Variants in SLC24A2 observed in about 807,000 individuals in gnomAD.
SLC24A2 encodes solute carrier family 24 member 2, also known as sodium/potassium/calcium exchanger 2.
A neutral mutation model predicts 62.0 loss-of-function variants in SLC24A2; 36 were observed. The ratio of observed to expected loss-of-function variants is 0.58; its 90% CI spans 0.44 to 0.77. The LOEUF (loss-of-function observed/expected upper bound fraction) is 0.77. Ranked by LOEUF, SLC24A2 falls within the 30% of genes least tolerant of loss-of-function variation. SLC24A2 has a pLI of 0.00. For missense variants in SLC24A2, 846 were observed against 817.9 expected, an observed-to-expected ratio of 1.03 and a Z score of -0.42; for synonymous variants, 358 against 294.0, an observed-to-expected ratio of 1.22 and a Z score of -2.23.
At chr9:19,964,768 C>G in the SLC24A2 span, among the ~76,000 whole-genome samples, 150 of 152,334 alleles carry the variant, frequency 9.8e-4, no homozygotes, top group African/African-American at 3.5e-3. Context: ...TGGCGTGAAG[C>G]AGCAGCTGGC....
chr9:20,083,557 C>T, the SLC24A2 span, among the ~76,000 whole-genome samples: 1 of 152,240 alleles, frequency 6.6e-6, no homozygotes, highest in Non-Finnish European at 1.5e-5. Flanking sequence ...ACTAGAGATG[C>T]ATTAGCAGCG....
chr9:19,730,578 CAT>C (rs1821306385), intron 2 of SLC24A2, among the ~76,000 whole-genome samples: 1 of 152,028 alleles, frequency 6.6e-6, no homozygotes, highest in Non-Finnish European at 1.5e-5. Flanking sequence ...AACATGAAAA[CAT>C]ATCTAACTTA....
At chr9:19,951,036 G>A in the SLC24A2 span, among the ~76,000 whole-genome samples, 1 of 152,116 alleles carries the variant, frequency 6.6e-6, no homozygotes, top group Non-Finnish European at 1.5e-5. Context: ...AAGTTCTCTG[G>A]ATGATCTTAC....
At chr9:20,051,409 T>A in the SLC24A2 span, among the ~76,000 whole-genome samples, 1 of 152,054 alleles carries the variant, frequency 6.6e-6, no homozygotes, top group Non-Finnish European at 1.5e-5. Context: ...CTGGGACATT[T>A]TATATATCTC....
intron 2 of SLC24A2, among the ~76,000 whole-genome samples, chr9:19,779,444 G>A (rs1445196140): frequency 6.6e-6 from 1 of 152,072 alleles, no homozygotes; most frequent in East Asian, 1.9e-4. Context: ...GAGAGACAGT[G>A]GAATATTATT....
At chr9:19,885,007 C>A in the SLC24A2 span, among the ~76,000 whole-genome samples, 1 of 152,158 alleles carries the variant, frequency 6.6e-6, no homozygotes, top group African/African-American at 2.4e-5. Flanking sequence ...ATGGGACTGG[C>A]CATACAGGAG....
At chr9:19,583,915 G>A (rs1001080116) in intron 5 of SLC24A2, among the ~76,000 whole-genome samples, 1 of 152,012 alleles carries the variant, frequency 6.6e-6, no homozygotes, top group Non-Finnish European at 1.5e-5. Context: ...TTTTTATTAA[G>A]CTGCCCCTCA....
the SLC24A2 span, among the ~76,000 whole-genome samples, chr9:20,128,820 T>G: frequency 1.3e-5 from 2 of 152,144 alleles, no homozygotes; most frequent in South Asian, 2.1e-4. Context: ...AAAAATTAAG[T>G]GAAAAAGACA....
intron 2 of SLC24A2, among the ~76,000 whole-genome samples, chr9:19,696,029 G>A (rs1467244428): frequency 6.6e-6 from 1 of 152,158 alleles, no homozygotes; most frequent in Non-Finnish European, 1.5e-5. Context: ...CACAGCAGGA[G>A]GTGGGCAAAG....
the SLC24A2 span, among the ~76,000 whole-genome samples, chr9:19,881,488 T>C: frequency 6.6e-5 from 10 of 152,212 alleles, no homozygotes; most frequent in East Asian, 1.9e-3. Flanking sequence ...AAAGACATAA[T>C]ATGTAAAGGA....
chr9:19,574,222 A>G (rs758921370), intron 6 of SLC24A2, among the ~76,000 whole-genome samples: 1 of 152,204 alleles, frequency 6.6e-6, no homozygotes, highest in Non-Finnish European at 1.5e-5. Flanking sequence ...TCCACACCTG[A>G]GCATCCTACT....
intron 8 of SLC24A2, among the ~76,000 whole-genome samples, chr9:19,542,913 T>C (rs7858996): frequency 0.075 from 11,487 of 152,220 alleles, 1,452 homozygotes; most frequent in African/African-American, 0.26. Context: ...TTGTTGTGTC[T>C]CTGGCAGGTT....
At chr9:19,933,508 C>A in the SLC24A2 span, among the ~76,000 whole-genome samples, 1 of 152,086 alleles carries the variant, frequency 6.6e-6, no homozygotes, top group Non-Finnish European at 1.5e-5. Flanking sequence ...TCAATTCATT[C>A]ATCTACTTGT....
At chr9:19,862,210 A>G in the SLC24A2 span, among the ~76,000 whole-genome samples, 1 of 152,178 alleles carries the variant, frequency 6.6e-6, no homozygotes, top group African/African-American at 2.4e-5. Flanking sequence ...AAATAAACAA[A>G]TAACAAACAA....
At chr9:19,892,923 G>C in the SLC24A2 span, among the ~76,000 whole-genome samples, 1 of 152,096 alleles carries the variant, frequency 6.6e-6, no homozygotes, top group African/African-American at 2.4e-5. Context: ...GGCTGCCCAA[G>C]TCCCCTTAGA....
the SLC24A2 span, among the ~76,000 whole-genome samples, chr9:20,239,067 T>C: frequency 6.6e-6 from 1 of 152,246 alleles, no homozygotes; most frequent in East Asian, 1.9e-4. Context: ...AGAAAATAAA[T>C]TTCTCTTCTT....
At chr9:20,259,778 C>T in the SLC24A2 span, among the ~76,000 whole-genome samples, 1 of 152,112 alleles carries the variant, frequency 6.6e-6, no homozygotes, top group Non-Finnish European at 1.5e-5. Context: ...ATTTAATTGC[C>T]ATTGTAACAG....
chr9:19,620,082 G>A (rs1039946520), intron 3 of SLC24A2, among the ~76,000 whole-genome samples: 1 of 152,176 alleles, frequency 6.6e-6, no homozygotes, highest in East Asian at 1.9e-4. Context: ...AGAAGTGGAG[G>A]ATGGAGGAAT....
the SLC24A2 span, among the ~76,000 whole-genome samples, chr9:19,936,775 G>A: frequency 1.5e-4 from 23 of 152,258 alleles, no homozygotes; most frequent in East Asian, 4.2e-3. Context: ...ATATTAAGGT[G>A]TCTAGAGATA....
Sources: gnomAD v4.1 joint callset for allele counts (sites outside exome capture counted in the v4.1 genomes callset) on GRCh38, gnomAD v4.1.1 for gene constraint, MANE v1.5 for transcripts, NCBI Gene and HGNC (gene_info 2026-07-23, HGNC 2026-07-21) for gene names.